Variants in GPR161 observed in about 807,000 individuals in gnomAD.
GPR161 encodes G-protein coupled receptor RE2.
Under a neutral mutation model 39.2 loss-of-function variants are expected in GPR161, and 25 were observed. The ratio of observed to expected loss-of-function variants is 0.64; its 90% confidence interval spans 0.47 to 0.89. The LOEUF (loss-of-function observed/expected upper bound fraction) is 0.89. Ranked by LOEUF, GPR161 falls within the 40% of genes least tolerant of loss-of-function variation. The pLI, the probability that GPR161 is intolerant of heterozygous loss-of-function variation, is 0.00. For synonymous variants in GPR161, 286 were observed against 276.6 expected (o/e 1.03, Z -0.34); for missense variants, 547 against 677.8 (o/e 0.81, Z 2.14).
At chr1:168,110,909 A>G (rs577929933) in intron 1 of GPR161, among the ~76,000 whole-genome samples, 7 of 147,654 alleles carry the variant, frequency 4.7e-5, no homozygotes, top group Non-Finnish European at 1.0e-4. Context: ...GGGAGACAAG[A>G]GCAAAACTCT....
At chr1:168,136,945 C>T, upstream of GPR161, 2 of 961,766 alleles carry the variant, frequency 2.1e-6, no homozygotes, top group East Asian at 1.2e-4. Flanking sequence ...TTGCGGCGCC[C>T]GCGCCCCGCC....
intron 1 of GPR161, among the ~76,000 whole-genome samples, chr1:168,122,186 G>A (rs1006567813): frequency 9.9e-5 from 15 of 152,132 alleles, no homozygotes; most frequent in African/African-American, 3.1e-4. Context: ...CATTCCACGC[G>A]TGCCATCCCA....
chr1:168,102,009 G>A (rs548270595), intron 2 of GPR161, among the ~76,000 whole-genome samples: 2 of 152,136 alleles, frequency 1.3e-5, no homozygotes, highest in African/African-American at 4.8e-5. Context: ...CACCATGTTG[G>A]CCAGGCTGGT....
At chr1:168,119,841 G>C (rs1281702685) in intron 1 of GPR161, among the ~76,000 whole-genome samples, 1 of 151,946 alleles carries the variant, frequency 6.6e-6, no homozygotes, top group Non-Finnish European at 1.5e-5. Context: ...TCCACGTAGT[G>C]TTGGGCCTGC....
At chr1:168,108,149 A>C (rs1696777777) in intron 1 of GPR161, among the ~76,000 whole-genome samples, 1 of 152,170 alleles carries the variant, frequency 6.6e-6, no homozygotes, top group African/African-American at 2.4e-5. Flanking sequence ...ACATAAGGAG[A>C]GGGGAGCCAA....
chr1:168,101,553 G>T (rs1357179571), intron 2 of GPR161, among the ~76,000 whole-genome samples: 1 of 152,172 alleles, frequency 6.6e-6, no homozygotes, highest in Non-Finnish European at 1.5e-5. Flanking sequence ...AAAGCGTCCA[G>T]GCTCGGGCAT....
chr1:168,117,903 C>T (rs1429308243), intron 1 of GPR161, among the ~76,000 whole-genome samples: 1 of 152,180 alleles, frequency 6.6e-6, no homozygotes, highest in Non-Finnish European at 1.5e-5. Context: ...AAGACTCTCC[C>T]TGTTTGTGGA....
Position 168,098,406 on chromosome 1 carries a change from C to T in GPR161, c.375-1174G>A, listed in dbSNP as rs1695760327. Among the ~76,000 whole-genome samples, 1 of 152,226 alleles carries T rather than the reference C, an allele frequency of 6.6e-6. No homozygotes were observed. Among genetic ancestry groups the T allele is most frequent in the Non-Finnish European group, 1.5e-5 (1 of 68,038 alleles). On this transcript the variant is annotated intron_variant, in intron 2 of 5. Transcript: ENST00000682931. This position sits in a 1 kb window ranked among gnomAD's most constrained non-coding sequence, Gnocchi z 4.1. ...AGGGCTGAAAGTCAACCACCACCCT[C>T]CCAACCCCGACATTTTATCCAAGGG...
chr1:168,104,413 G>C, intron 2 of GPR161, 64 bp downstream of exon 2: 1 of 1,369,566 alleles, frequency 7.3e-7, no homozygotes, highest in Non-Finnish European at 1.0e-6. Flanking sequence ...CAGTCAGAGG[G>C]ACACTGCACC....
At position 168,096,659 on chromosome 1, in the gene GPR161, G is replaced by A. The variant is rs747977599; in HGVS notation, c.948C>T (p.Ser316=). 1.1e-5 allele frequency: 18 copies of A among 1,613,944 alleles called. No homozygotes were observed. Among genetic ancestry groups the A allele is most frequent in the East Asian group, 2.2e-5 (1 of 44,872 alleles). The stretch of plus-strand genomic sequence containing the variant: ...CATAGATCAGGGGGTGGCAGACAGC[G>A]CTGGCAAAGGACAGCCATGTGGCCC... The part of the protein sequence containing the change: ...ETWATWLSFA[S]AVCHPLIYGL... Residue 316 remains serine (S), a synonymous_variant, in exon 3 of 6, where the codon AGC becomes AGT. Transcript: ENST00000682931.
At chr1:168,127,133 T>C (rs1444371001) in intron 1 of GPR161, among the ~76,000 whole-genome samples, 7 of 152,318 alleles carry the variant, frequency 4.6e-5, no homozygotes, top group African/African-American at 1.7e-4. Context: ...AAGGAATGTT[T>C]ACAAAAATTA....
intron 1 of GPR161, among the ~76,000 whole-genome samples, chr1:168,120,164 T>C (rs921298013): frequency 1.3e-5 from 2 of 152,224 alleles, no homozygotes; most frequent in Non-Finnish European, 2.9e-5. Context: ...CCACAGAGGC[T>C]GTACCCTGAA....
chr1:168,129,675 T>A (rs1483466055), intron 1 of GPR161, among the ~76,000 whole-genome samples: 1 of 152,182 alleles, frequency 6.6e-6, no homozygotes, highest in Non-Finnish European at 1.5e-5. Context: ...GCCTTCAGAG[T>A]AATTCATTCT....
At chr1:168,110,879 A>G (rs189404983) in intron 1 of GPR161, among the ~76,000 whole-genome samples, 2 of 151,342 alleles carry the variant, frequency 1.3e-5, no homozygotes, top group Admixed American at 6.6e-5. Context: ...AGCTGAGATC[A>G]TGCCATTGCA....
At chr1:168,136,393 C>T in intron 1 of GPR161, 2 of 1,411,486 alleles carry the variant, frequency 1.4e-6, no homozygotes, top group Non-Finnish European at 1.8e-6. Context: ...CTACGCCCTC[C>T]CATCCAGCGG....
intron 1 of GPR161, among the ~76,000 whole-genome samples, chr1:168,134,117 G>A (rs140140170): frequency 2.8e-4 from 43 of 152,282 alleles, no homozygotes; most frequent in African/African-American, 1.0e-3. Flanking sequence ...TAAGGGGCAG[G>A]GCTGGGAGGT....
chr1:168,085,214 T>C lies in GPR161; in HGVS notation c.*317A>G, dbSNP rs1422769686. 4.4e-6 allele frequency: 2 copies of C among 452,038 alleles called. No individual in the cohort carries two copies. The highest frequency in any genetic ancestry group is 8.2e-6 in the Non-Finnish European group (2 of 243,380). The allele number at this position is 452,038 out of a possible 1,614,324, so 28.0% of individuals were successfully genotyped here. On this transcript the variant is annotated 3_prime_UTR_variant, in exon 6 of 6. Coordinates refer to ENST00000682931, the MANE Select transcript of GPR161 (RefSeq NM_001375883.1). Reference sequence around the variant, plus strand: ...CTTCCAAGCCCTTCGTCTCTGGTCCTCCCATGCCCCACCTCCCAAAAAGCC... The same window carrying C: ...CTTCCAAGCCCTTCGTCTCTGGTCCCCCCATGCCCCACCTCCCAAAAAGCC...
chr1:168,137,027 G>GGCCCC, upstream of GPR161: 2 of 539,860 alleles, frequency 3.7e-6, no homozygotes, highest in Non-Finnish European at 4.5e-6. Flanking sequence ...GCCCCGCACT[G>GGCCCC]CCCCGCCCCG....
chr1:168,115,678 G>A (rs1697559827), intron 1 of GPR161, among the ~76,000 whole-genome samples: 1 of 152,168 alleles, frequency 6.6e-6, no homozygotes, highest in South Asian at 2.1e-4. Flanking sequence ...CTGGCGGGGT[G>A]TGGTGGTCAG....
Sources: gnomAD v4.1 joint callset for allele counts (sites outside exome capture counted in the v4.1 genomes callset) on GRCh38, gnomAD v4.1.1 for gene constraint, Gnocchi (gnomAD v3.1) non-coding constraint, MANE v1.5 for transcripts, NCBI Gene and HGNC (gene_info 2026-07-23, HGNC 2026-07-21) for gene names.